CYP7B1: variants seen among roughly 807,000 people sequenced by gnomAD.
The protein encoded by CYP7B1 is cytochrome P450 7B1.
A neutral mutation model predicts 42.7 loss-of-function variants in CYP7B1; 29 were observed. That is an observed-to-expected ratio of 0.68 (90% CI 0.51 to 0.93). The LOEUF is 0.93. Ranked by LOEUF, CYP7B1 falls within the 40% of genes least tolerant of loss-of-function variation. The pLI is 0.00. For synonymous variants in CYP7B1, 235 were observed against 218.2 expected (o/e 1.08, Z -0.68); for missense variants, 655 against 600.5 (o/e 1.09, Z -0.95).
At chr8:64,641,373 G>A (rs968365527) in intron 1 of CYP7B1, among the ~76,000 whole-genome samples, 3 of 152,028 alleles carry the variant, frequency 2.0e-5, no homozygotes, top group African/African-American at 7.2e-5. Context: ...AATACAAAAA[G>A]TAAGCCATCT....
rs1447721999 is a variant in CYP7B1, at chr8:64,592,559, A to G, written c.*4083T>C. On this transcript the variant is annotated 3_prime_UTR_variant, in exon 6 of 6. Transcript: ENST00000310193. ...ATATCTAGAACAGAGAAAATGCTCA[A>G]TGAATGTTTGGTTGAATAAATGAAC... Among the ~76,000 whole-genome samples the G allele has an allele frequency of 6.6e-6, 1 of 152,246 alleles. No individual in the cohort carries two copies. Among genetic ancestry groups the G allele is most frequent in the East Asian group, 1.9e-4 (1 of 5,202 alleles).
At chr8:64,663,635 A>G (rs1281986022) in intron 1 of CYP7B1, among the ~76,000 whole-genome samples, 1 of 152,244 alleles carries the variant, frequency 6.6e-6, no homozygotes, top group Non-Finnish European at 1.5e-5. Context: ...TCATTCCAAC[A>G]GAGTGATACT....
intron 2 of CYP7B1, among the ~76,000 whole-genome samples, chr8:64,621,828 C>G (rs555939812): frequency 6.6e-6 from 1 of 151,576 alleles, no homozygotes; most frequent in East Asian, 1.9e-4. Flanking sequence ...CTCCGCCTCC[C>G]GGGTTCAAGC....
chr8:64,644,779 C>T (rs1409812838), intron 1 of CYP7B1, among the ~76,000 whole-genome samples: 3 of 151,912 alleles, frequency 2.0e-5, no homozygotes, highest in Non-Finnish European at 4.4e-5. Context: ...TATTATTATA[C>T]TTTAAGTTTT....
intron 1 of CYP7B1, among the ~76,000 whole-genome samples, chr8:64,787,125 C>T (rs1158570968): frequency 2.0e-5 from 3 of 152,236 alleles, no homozygotes; most frequent in Non-Finnish European, 2.9e-5. Flanking sequence ...ATGGGAGGGG[C>T]TGCCATGAAG....
intron 1 of CYP7B1, among the ~76,000 whole-genome samples, chr8:64,789,456 T>C (rs1373986323): frequency 1.3e-5 from 2 of 152,192 alleles, no homozygotes; most frequent in Non-Finnish European, 2.9e-5. Flanking sequence ...TTTTACTATC[T>C]GACTTATAAT....
At chr8:64,620,728 A>T (rs1017668371) in intron 2 of CYP7B1, among the ~76,000 whole-genome samples, 20 of 152,200 alleles carry the variant, frequency 1.3e-4, no homozygotes, top group Admixed American at 1.2e-3. Context: ...CATTAACAGG[A>T]TTTCTTGACA....
chr8:64,689,293 T>C (rs60551204), intron 1 of CYP7B1, among the ~76,000 whole-genome samples: 15,374 of 152,280 alleles, frequency 0.1, 1,304 homozygotes, highest in African/African-American at 0.22. Context: ...GGAAGGGTCA[T>C]ATTAACAACT....
chr8:64,761,483 T>C (rs1370507802), intron 1 of CYP7B1, among the ~76,000 whole-genome samples: 2 of 152,026 alleles, frequency 1.3e-5, no homozygotes, highest in Non-Finnish European at 2.9e-5. Flanking sequence ...TATGTGTCAA[T>C]AAAGCTTGGG....
chr8:64,667,085 T>C (rs1806291743), intron 1 of CYP7B1, among the ~76,000 whole-genome samples: 1 of 152,116 alleles, frequency 6.6e-6, no homozygotes, highest in Non-Finnish European at 1.5e-5. Context: ...TCATTTCTGG[T>C]TGATTTGGAA....
intron 1 of CYP7B1, among the ~76,000 whole-genome samples, chr8:64,740,154 C>T (rs976996551): frequency 6.6e-6 from 1 of 152,032 alleles, no homozygotes; most frequent in African/African-American, 2.4e-5. Context: ...GAACACTTAA[C>T]AAGACAGACC....
intron 1 of CYP7B1, among the ~76,000 whole-genome samples, chr8:64,693,227 C>T (rs1806774219): frequency 6.6e-6 from 1 of 152,232 alleles, no homozygotes; most frequent in South Asian, 2.1e-4. Flanking sequence ...AACTGAGTGT[C>T]AAGCACTTGG....
chr8:64,751,469 T>C (rs1270354222), intron 1 of CYP7B1, among the ~76,000 whole-genome samples: 1 of 152,176 alleles, frequency 6.6e-6, no homozygotes, highest in Non-Finnish European at 1.5e-5. Context: ...AACCACCCTT[T>C]GTTATTGGTT....
In CYP7B1 at chr8:64,796,744, T is replaced by C. The variant is rs192338535; in HGVS notation, c.122+1722A>G. ...GACATAGGAAGGGATCTAAAATGTA[T>C]TGCAAAGTGGAAAATATAAGGTGCA... On this transcript the variant is annotated intron_variant, in intron 1 of 5. Coordinates refer to ENST00000310193, the MANE Select transcript of CYP7B1 (RefSeq NM_004820.5). Among the ~76,000 whole-genome samples, 280 of 152,292 alleles carry C rather than the reference T, an allele frequency of 1.8e-3. 2 individuals are homozygous for C. The highest frequency in any genetic ancestry group is 6.4e-3 in the African/African-American group (265 of 41,554).
At chr8:64,734,128 G>A (rs1807453171) in intron 1 of CYP7B1, among the ~76,000 whole-genome samples, 1 of 152,026 alleles carries the variant, frequency 6.6e-6, no homozygotes, top group Non-Finnish European at 1.5e-5. Flanking sequence ...TTTTACTCAG[G>A]TATTGTAGTA....
At chr8:64,772,566 G>C (rs1384507878) in intron 1 of CYP7B1, among the ~76,000 whole-genome samples, 1 of 152,102 alleles carries the variant, frequency 6.6e-6, no homozygotes, top group East Asian at 1.9e-4. Flanking sequence ...GTAATCATGT[G>C]AGCCAATTTC....
chr8:64,792,173 T>G (rs969656413), intron 1 of CYP7B1, among the ~76,000 whole-genome samples: 4 of 152,146 alleles, frequency 2.6e-5, no homozygotes, highest in African/African-American at 9.7e-5. Flanking sequence ...TTGTAAATGA[T>G]GAACTTAGAT....
At chr8:64,639,069 A>G (rs1805815235) in intron 1 of CYP7B1, among the ~76,000 whole-genome samples, 1 of 151,982 alleles carries the variant, frequency 6.6e-6, no homozygotes, top group South Asian at 2.1e-4. Context: ...CTGGATTTTC[A>G]CAGACTTTTA....
At chr8:64,734,550 C>T (rs1294474183) in intron 1 of CYP7B1, 1 of 152,180 alleles carries the variant, frequency 6.6e-6, no homozygotes, top group East Asian at 1.9e-4. Context: ...GACTTAATCA[C>T]CTCCCAATGG....
Sources: gnomAD v4.1 joint callset for allele counts (sites outside exome capture counted in the v4.1 genomes callset) on GRCh38, gnomAD v4.1.1 for gene constraint, MANE v1.5 for transcripts, NCBI Gene and HGNC (gene_info 2026-07-23, HGNC 2026-07-21) for gene names.